The following LMX1A variants were observed in gnomAD, a reference collection of about 807,000 sequenced individuals.
The protein encoded by LMX1A is LIM homeobox transcription factor 1 alpha, also known as LIM homeobox transcription factor 1-alpha.
Under a neutral mutation model 49.1 loss-of-function variants are expected in LMX1A, and 15 were observed. The ratio of observed to expected loss-of-function variants is 0.31; its 90% CI spans 0.20 to 0.47. The LOEUF is 0.47. LMX1A is among the 20% of genes least tolerant of loss of function. LMX1A has a pLI of 1.00. For synonymous variants in LMX1A, 167 were observed against 185.7 expected (o/e 0.90, Z 0.82); for missense variants, 372 against 475.8 (o/e 0.78, Z 2.03).
At chr1:165,262,747 G>GA (rs889826286) in intron 3 of LMX1A, among the ~76,000 whole-genome samples, 67 of 147,888 alleles carry the variant, frequency 4.5e-4, no homozygotes, top group Non-Finnish European at 7.5e-4. Context: ...TCCCATTTTG[G>GA]AAAAAAAAAT....
At chr1:165,350,058 T>C (rs1185350289) in intron 3 of LMX1A, among the ~76,000 whole-genome samples, 1 of 152,022 alleles carries the variant, frequency 6.6e-6, no homozygotes, top group East Asian at 1.9e-4. Context: ...TGCCTGCATA[T>C]TCATTTTTTA....
chr1:165,286,289 C>A (rs776444654), intron 3 of LMX1A, among the ~76,000 whole-genome samples: 4 of 152,212 alleles, frequency 2.6e-5, no homozygotes, highest in South Asian at 4.1e-4. Context: ...TCCTTGTTTA[C>A]TTCCTGGTAG....
intron 4 of LMX1A, among the ~76,000 whole-genome samples, chr1:165,235,552 T>TGCGGC (rs1409104805): frequency 1.3e-5 from 2 of 152,102 alleles, no homozygotes; most frequent in East Asian, 1.9e-4. Context: ...TAATTAACTC[T>TGCGGC]GCGGCGCGGC....
chr1:165,222,028 A>T (rs1651870920), intron 4 of LMX1A, among the ~76,000 whole-genome samples: 1 of 152,054 alleles, frequency 6.6e-6, no homozygotes, highest in Admixed American at 6.6e-5. Context: ...CCTATCTAAT[A>T]AAAACATGGC....
intron 3 of LMX1A, among the ~76,000 whole-genome samples, chr1:165,324,144 A>G (rs1200877192): frequency 6.6e-6 from 1 of 152,240 alleles, no homozygotes; most frequent in Non-Finnish European, 1.5e-5. Flanking sequence ...TGGATGTTGA[A>G]TAAGTGAGAT....
chr1:165,321,812 G>C (rs143670911), intron 3 of LMX1A, among the ~76,000 whole-genome samples: 14 of 152,228 alleles, frequency 9.2e-5, no homozygotes, highest in African/African-American at 2.6e-4. Context: ...TCAAGAAAAT[G>C]AAAAGACAAC....
At chr1:165,300,192 G>A (rs974542472) in intron 3 of LMX1A, among the ~76,000 whole-genome samples, 5 of 152,122 alleles carry the variant, frequency 3.3e-5, no homozygotes, top group South Asian at 2.1e-4. Flanking sequence ...GCTGAAATCC[G>A]GAGCATTCAC....
At chr1:165,351,879 A>G (rs534279634) in intron 3 of LMX1A, among the ~76,000 whole-genome samples, 1 of 152,380 alleles carries the variant, frequency 6.6e-6, no homozygotes, top group African/African-American at 2.4e-5. Flanking sequence ...GTGTTTTTAT[A>G]TAACATGATA....
chr1:165,286,522 C>A (rs960548570), intron 3 of LMX1A, among the ~76,000 whole-genome samples: 1 of 152,140 alleles, frequency 6.6e-6, no homozygotes, highest in African/African-American at 2.4e-5. Flanking sequence ...GGGAAAGTTA[C>A]TTTAGTGCTC....
At chr1:165,215,093 G>A (rs2102605554) in intron 4 of LMX1A, among the ~76,000 whole-genome samples, 2 of 152,232 alleles carry the variant, frequency 1.3e-5, no homozygotes, top group South Asian at 4.1e-4. Context: ...CAGGGCAGGT[G>A]GATTTCCTGA....
At chr1:165,207,192 T>C (rs533655570) in intron 7 of LMX1A, among the ~76,000 whole-genome samples, 2 of 152,352 alleles carry the variant, frequency 1.3e-5, no homozygotes, top group South Asian at 4.1e-4. Context: ...ACGTGCATAT[T>C]AAAATGTAAG....
intron 3 of LMX1A, among the ~76,000 whole-genome samples, chr1:165,349,483 T>C (rs1256609375): frequency 6.6e-6 from 1 of 152,226 alleles, no homozygotes; most frequent in Non-Finnish European, 1.5e-5. Context: ...ATGGTACAGA[T>C]TCATCAATTG....
At chr1:165,314,499 C>G (rs1178890419) in intron 3 of LMX1A, among the ~76,000 whole-genome samples, 1 of 152,160 alleles carries the variant, frequency 6.6e-6, no homozygotes, top group Admixed American at 6.5e-5. Context: ...TCTAGCTGGT[C>G]CCCCATCTTA....
At chr1:165,296,037 T>C (rs969392332) in intron 3 of LMX1A, among the ~76,000 whole-genome samples, 3 of 152,220 alleles carry the variant, frequency 2.0e-5, no homozygotes, top group Non-Finnish European at 4.4e-5. Context: ...AGATCTGGTT[T>C]AGCAATCCCA....
At chr1:165,276,730 G>C (rs1653981088) in intron 3 of LMX1A, among the ~76,000 whole-genome samples, 1 of 152,164 alleles carries the variant, frequency 6.6e-6, no homozygotes, top group Admixed American at 6.5e-5. Context: ...GACCTGAAGA[G>C]AGGAGTTGGG....
intron 3 of LMX1A, among the ~76,000 whole-genome samples, chr1:165,265,300 G>A (rs1419858103): frequency 1.3e-5 from 2 of 152,050 alleles, no homozygotes; most frequent in Non-Finnish European, 2.9e-5. Flanking sequence ...GCAAAAATAG[G>A]AAGTTGCAGA....
Position 165,352,623 on chromosome 1 carries a change from CA to C in LMX1A, c.263+452del, listed in dbSNP as rs199688625. On this transcript the variant is annotated intron_variant, in intron 3 of 8. Transcript: ENST00000342310. ...CTGCGGGGTCAATACAGTCTCACCG[CA>C]AGGCACAGGCGCGACGCTGGCGCGG... 1.5e-3 allele frequency among the ~76,000 whole-genome samples: 227 copies of C among 152,262 alleles called. 1 individual carries two copies. The highest frequency in any genetic ancestry group is 0.014 in the East Asian group (71 of 5,152).
At chr1:165,328,944 T>TC (rs2101750518) in intron 3 of LMX1A, among the ~76,000 whole-genome samples, 1 of 152,236 alleles carries the variant, frequency 6.6e-6, no homozygotes, top group African/African-American at 2.4e-5. Flanking sequence ...AGGGCATACC[T>TC]CCCCCATGGC....
intron 3 of LMX1A, among the ~76,000 whole-genome samples, chr1:165,348,819 C>A (rs1217128009): frequency 1.3e-5 from 2 of 152,232 alleles, no homozygotes; most frequent in Non-Finnish European, 2.9e-5. Flanking sequence ...GTTTTCACCA[C>A]AGGGCTGCCA....
Sources: gnomAD v4.1 joint callset for allele counts (sites outside exome capture counted in the v4.1 genomes callset) on GRCh38, gnomAD v4.1.1 for gene constraint, MANE v1.5 for transcripts, NCBI Gene and HGNC (gene_info 2026-07-23, HGNC 2026-07-21) for gene names.